RIMS2: variants seen among roughly 807,000 people sequenced by gnomAD.
The protein encoded by RIMS2 is regulating synaptic membrane exocytosis 2.
Under a neutral mutation model 174.4 loss-of-function variants are expected in RIMS2, and 59 were observed. That is an observed-to-expected ratio of 0.34 (90% CI 0.27 to 0.42). The LOEUF (loss-of-function observed/expected upper bound fraction) is 0.42. Ranked by LOEUF, RIMS2 falls within the 10% of genes least tolerant of loss-of-function variation. RIMS2 has a pLI of 1.00. For missense variants in RIMS2, 1,620 were observed against 1,666.3 expected (o/e 0.97, Z 0.48); for synonymous variants, 606 against 572.5 (o/e 1.06, Z -0.84).
intron 4 of RIMS2, among the ~76,000 whole-genome samples, chr8:103,886,537 A>AT (rs1274878096): frequency 2.0e-5 from 3 of 151,880 alleles, no homozygotes; most frequent in African/African-American, 4.8e-5. Flanking sequence ...AATAACATTT[A>AT]TTTTTTGTCT....
At chr8:103,697,447 G>A (rs965131897) in intron 2 of RIMS2, among the ~76,000 whole-genome samples, 151 bp downstream of exon 4, 5 of 151,770 alleles carry the variant, frequency 3.3e-5, no homozygotes, top group Non-Finnish European at 7.4e-5. Flanking sequence ...GATGGCTCAC[G>A]CCTGTAATCT....
At chr8:103,577,337 C>T (rs1379861936) in intron 1 of RIMS2, among the ~76,000 whole-genome samples, 3 of 152,192 alleles carry the variant, frequency 2.0e-5, no homozygotes, top group Non-Finnish European at 4.4e-5. Context: ...CTCATCATCA[C>T]TGGTCATCAG....
intron 15 of RIMS2, among the ~76,000 whole-genome samples, chr8:103,964,211 T>C (rs1232711232): frequency 2.0e-5 from 3 of 152,232 alleles, no homozygotes; most frequent in Non-Finnish European, 4.4e-5. Context: ...CTGGATCGTA[T>C]GCTAAGAGTA....
chr8:103,622,609 A>G (rs1266607747), intron 1 of RIMS2, among the ~76,000 whole-genome samples: 2 of 152,226 alleles, frequency 1.3e-5, no homozygotes, highest in African/African-American at 2.4e-5. Flanking sequence ...TCTCATACAT[A>G]CAGATGCACA....
chr8:103,988,373 A>T (rs937982719), intron 16 of RIMS2, among the ~76,000 whole-genome samples: 1 of 152,160 alleles, frequency 6.6e-6, no homozygotes, highest in Non-Finnish European at 1.5e-5. Context: ...ATCCTACAAT[A>T]TGACATGCCA....
chr8:104,135,164 G>A (rs1025679834), intron 19 of RIMS2, among the ~76,000 whole-genome samples: 1 of 152,144 alleles, frequency 6.6e-6, no homozygotes, highest in Non-Finnish European at 1.5e-5. Flanking sequence ...AAAGCAGAAG[G>A]TGAGAGATTT....
At chr8:104,210,104 C>T (rs2099098857) in intron 19 of RIMS2, among the ~76,000 whole-genome samples, 2 of 152,082 alleles carry the variant, frequency 1.3e-5, no homozygotes, top group Admixed American at 1.3e-4. Flanking sequence ...TCCAAATGAC[C>T]TGCAAATTTT....
intron 17 of RIMS2, among the ~76,000 whole-genome samples, chr8:103,995,335 A>C (rs1159112430): frequency 1.6e-4 from 24 of 152,134 alleles, no homozygotes; most frequent in Admixed American, 1.6e-3. Context: ...AATGTTGAAG[A>C]CTGTGTGGCA....
intron 19 of RIMS2, among the ~76,000 whole-genome samples, chr8:104,091,589 T>G (rs976288981): frequency 1.8e-4 from 27 of 150,316 alleles, no homozygotes; most frequent in Admixed American, 1.7e-3. Flanking sequence ...TGTGAAAATA[T>G]GTATAGATAT....
intron 19 of RIMS2, chr8:104,093,501 G>A (rs527418169): frequency 1.1e-5 from 17 of 1,596,996 alleles, no homozygotes; most frequent in Non-Finnish European, 1.4e-5. Flanking sequence ...TCATAGAGGG[G>A]CAGATAATGT....
In RIMS2 at chr8:104,208,492, C is replaced by T. The variant is rs184702274; in HGVS notation, c.3335-36424C>T. ...CTGAGGCAGGAGAATCGCTTCAACC[C>T]GGGAGGCGGAAGTGGCAGTGATCCG... On this transcript the variant is annotated intron_variant, in intron 19 of 23. Transcript: ENST00000504942. 7.6e-3 allele frequency among the ~76,000 whole-genome samples: 1,153 copies of T among 151,534 alleles called. 11 individuals carry two copies. The highest frequency in any genetic ancestry group is 0.025 in the African/African-American group (1,014 of 41,250).
intron 19 of RIMS2, among the ~76,000 whole-genome samples, chr8:104,227,775 A>T (rs974205841): frequency 2.0e-5 from 3 of 152,124 alleles, no homozygotes; most frequent in Non-Finnish European, 4.4e-5. Context: ...TACAGAAGAG[A>T]TCCTATCAGC....
intron 1 of RIMS2, among the ~76,000 whole-genome samples, chr8:103,594,995 T>A (rs978505034): frequency 4.6e-5 from 7 of 151,818 alleles, no homozygotes; most frequent in African/African-American, 1.7e-4. Flanking sequence ...TTTTCATTTC[T>A]TTTTCTAGTT....
At chr8:104,005,329 C>T (rs2095534654) in intron 17 of RIMS2, among the ~76,000 whole-genome samples, 1 of 152,142 alleles carries the variant, frequency 6.6e-6, no homozygotes, top group South Asian at 2.1e-4. Context: ...AGAAATGTCT[C>T]TAGGGAGCCA....
intron 1 of RIMS2, among the ~76,000 whole-genome samples, chr8:103,531,577 C>G (rs1038258771): frequency 6.6e-6 from 1 of 152,184 alleles, no homozygotes; most frequent in Admixed American, 6.5e-5. Flanking sequence ...ATCTGATCCA[C>G]TCTTTGGTTT....
intron 2 of RIMS2, among the ~76,000 whole-genome samples, chr8:103,736,314 T>C (rs191591145): frequency 6.6e-6 from 1 of 152,284 alleles, no homozygotes; most frequent in East Asian, 1.9e-4. Flanking sequence ...ATAATAGAAG[T>C]TTTTGACATC....
chr8:103,596,986 T>G (rs561549170), intron 1 of RIMS2, among the ~76,000 whole-genome samples: 2 of 152,240 alleles, frequency 1.3e-5, no homozygotes, highest in African/African-American at 4.8e-5. Flanking sequence ...AGCGCTGTTA[T>G]TTCCATAGCA....
intron 16 of RIMS2, among the ~76,000 whole-genome samples, chr8:103,985,074 G>C (rs2094238106): frequency 6.6e-6 from 1 of 152,174 alleles, no homozygotes; most frequent in Non-Finnish European, 1.5e-5. Flanking sequence ...TGTGGCAATG[G>C]TTAACGGGTA....
At chr8:104,042,287 A>G (rs1346382172) in intron 19 of RIMS2, among the ~76,000 whole-genome samples, 1 of 151,582 alleles carries the variant, frequency 6.6e-6, no homozygotes, top group African/African-American at 2.4e-5. Flanking sequence ...CAGTATGGCC[A>G]GTAGCTTCAC....
Sources: gnomAD v4.1 joint callset for allele counts (sites outside exome capture counted in the v4.1 genomes callset) on GRCh38, gnomAD v4.1.1 for gene constraint, MANE v1.5 for transcripts, NCBI Gene and HGNC (gene_info 2026-07-23, HGNC 2026-07-21) for gene names.